The following KIF13A variants were observed in gnomAD, a reference collection of about 807,000 sequenced individuals.
KIF13A encodes the protein kinesin-like protein KIF13A.
A neutral mutation model predicts 212.2 loss-of-function variants in KIF13A; 79 were observed. The observed-to-expected ratio is 0.37, with a 90% confidence interval of 0.31 to 0.45. The LOEUF (loss-of-function observed/expected upper bound fraction) is 0.45. Ranked by LOEUF, KIF13A falls within the 20% of genes least tolerant of loss-of-function variation. The probability of loss-of-function intolerance (pLI) is 1.00; values close to 1 mark genes in which losing one functional copy is unlikely to be tolerated. For synonymous variants in KIF13A, 789 were observed against 808.6 expected (o/e 0.98, Z 0.41); for missense variants, 1,901 against 2,209.0 (o/e 0.86, Z 2.79).
At position 17,975,547 on chromosome 6, in the gene KIF13A, GA is replaced by G. The variant is rs558279322; in HGVS notation, c.146+11506del. ...ACATAATTCATTGCAAAGACCAAAA[GA>G]AAAAAAAGCTTCCAGTACAGAACAA... On this transcript the variant is annotated intron_variant, in intron 2 of 38. Transcript: ENST00000259711. 7.1e-3 allele frequency among the ~76,000 whole-genome samples: 1,065 copies of G among 151,006 alleles called. 16 individuals are homozygous for G. The highest frequency in any genetic ancestry group is 0.025 in the African/African-American group (1,032 of 40,648).
intron 2 of KIF13A, among the ~76,000 whole-genome samples, chr6:17,927,782 T>C (rs742282): frequency 0.72 from 109,486 of 152,100 alleles, 39,968 homozygotes; most frequent in South Asian, 0.83. Flanking sequence ...TCAGAGGCAA[T>C]GGGATGGTGA....
intron 4 of KIF13A, among the ~76,000 whole-genome samples, chr6:17,858,337 G>A (rs12214330): frequency 6.6e-6 from 1 of 151,984 alleles, no homozygotes; most frequent in African/African-American, 2.4e-5. Flanking sequence ...TAAACACCCA[G>A]GTCTGTTGTG....
chr6:17,775,166 A>C (rs1440310186), intron 34 of KIF13A, 104 bp from the exon 35 acceptor site: 1 of 838,124 alleles, frequency 1.2e-6, no homozygotes, highest in African/African-American at 1.7e-5. Flanking sequence ...TGCAGTCTTC[A>C]TTCTTCTCCT....
In KIF13A at chr6:17,785,627, C is replaced by T. The variant is rs780806668; in HGVS notation, c.3376G>A (p.Asp1126Asn). 5.0e-5 allele frequency: 81 copies of T among 1,605,138 alleles called. No homozygotes were observed. Among genetic ancestry groups the T allele is most frequent in the Admixed American group, 5.1e-5 (3 of 58,706 alleles). ...ACAAGCTGGGCTTCCCGCTCCACAT[C>T]GTCCTCTGTTTTCTCTGCAGAAAAA... ...VSNKTEKTEDDVEREAQLVEQ... is the reference protein window; with the variant it reads ...VSNKTEKTEDNVEREAQLVEQ... Residue 1126 changes from aspartate to asparagine, a missense_variant, in exon 28 of 39, where the codon GAT becomes AAT. This residue lies in a region of KIF13A where 168 missense variants were observed against 250.9 expected (regional missense o/e 0.67). Transcript: ENST00000259711. This position sits in a 1 kb window ranked among gnomAD's most constrained non-coding sequence, Gnocchi z 5.8.
intron 2 of KIF13A, among the ~76,000 whole-genome samples, chr6:17,920,332 G>A (rs1774945704): frequency 1.3e-5 from 2 of 152,166 alleles, no homozygotes; most frequent in Non-Finnish European, 2.9e-5. Flanking sequence ...AGGTGGGAAG[G>A]AGAGAGGATA....
chr6:17,861,086 A>G (rs1768725016), intron 4 of KIF13A, among the ~76,000 whole-genome samples: 1 of 152,196 alleles, frequency 6.6e-6, no homozygotes, highest in South Asian at 2.1e-4. Flanking sequence ...TATTTTTGGC[A>G]GATAAAATAG....
In KIF13A at chr6:17,785,267, AG is replaced by A. The variant is rs771254272; in HGVS notation, c.3488+247del. Reference sequence around the variant, plus strand: ...AACAATGTCCAAGTTGCTTATGCAGAGGAACAGAGGAGTGGTATGTGATTCC... The same window carrying A: ...AACAATGTCCAAGTTGCTTATGCAGAGAACAGAGGAGTGGTATGTGATTCC... On this transcript the variant is annotated intron_variant, in intron 28 of 38. Coordinates refer to ENST00000259711, the MANE Select transcript of KIF13A (RefSeq NM_022113.6). The surrounding 1 kb of genome is among the most constrained non-coding windows in gnomAD (Gnocchi z 5.8). Among the ~76,000 whole-genome samples the A allele has an allele frequency of 1.3e-4, 20 of 152,332 alleles. No homozygotes were observed. The highest frequency in any genetic ancestry group is 2.6e-4 in the Non-Finnish European group (18 of 68,032).
chr6:17,974,950 T>C (rs755803357), intron 2 of KIF13A, among the ~76,000 whole-genome samples: 9 of 152,226 alleles, frequency 5.9e-5, no homozygotes, highest in Non-Finnish European at 1.3e-4. Flanking sequence ...CATATTTCCA[T>C]CATCTCAGGA....
At chr6:17,875,296 G>A (rs987103901) in intron 3 of KIF13A, among the ~76,000 whole-genome samples, 4 of 151,822 alleles carry the variant, frequency 2.6e-5, no homozygotes, top group Non-Finnish European at 4.4e-5. Flanking sequence ...CCTGTTGACC[G>A]CATCCACACC....
intron 4 of KIF13A, among the ~76,000 whole-genome samples, chr6:17,869,611 C>T (rs1769811647): frequency 6.9e-6 from 1 of 144,328 alleles, no homozygotes; most frequent in Admixed American, 6.9e-5. Context: ...TTCAACTGCT[C>T]CAACCAACCC....
chr6:17,821,552 G>GTGTGTGTGTGTGTGTGT (rs1554172080), intron 16 of KIF13A, among the ~76,000 whole-genome samples: 44 of 112,094 alleles, frequency 3.9e-4, no homozygotes, highest in African/African-American at 1.2e-3. Flanking sequence ...ATTGGGACAT[G>GTGTGTGTGTGTGTGTGT]GTGTGTGTGT....
In KIF13A at chr6:17,849,476, T is replaced by C. The variant is rs751964181; in HGVS notation, c.731A>G (p.Lys244Arg). 1 of 1,613,220 alleles carries C rather than the reference T, an allele frequency of 6.2e-7. No individual in the cohort carries two copies. The highest frequency in any genetic ancestry group is 1.7e-5 in the Admixed American group (1 of 59,916). ...YDLQSGNSGEKVSKVSLVDLA... is the reference protein window; with the variant it reads ...YDLQSGNSGERVSKVSLVDLA... ...GTCTACCAAGCTGACCTTACTGACT[T>C]TCTCCCCGGAATTCTAGTTATAGGA... Residue 244 changes from lysine (K) to arginine (R), a missense_variant, in exon 9 of 39, where the codon AAA (lysine) becomes AGA (arginine). Lys to Arg is a conservative substitution (Grantham distance 26, BLOSUM62 2). Transcript: ENST00000259711. The surrounding 1 kb of genome is among the most constrained non-coding windows in gnomAD (Gnocchi z 5.7).
chr6:17,828,892 C>T lies in KIF13A; in HGVS notation c.1402-522G>A, dbSNP rs963815379. Among the ~76,000 whole-genome samples the T allele has an allele frequency of 6.6e-6, 1 of 151,764 alleles. No individual in the cohort carries two copies. The highest frequency in any genetic ancestry group is 6.6e-5 in the Admixed American group (1 of 15,226). On this transcript the variant is annotated intron_variant, in intron 13 of 38. Transcript: ENST00000259711. This position sits in a 1 kb window ranked among gnomAD's most constrained non-coding sequence, Gnocchi z 4.3. Reference sequence around the variant, plus strand: ...TGAAAATGCTAAAAATTTTGAATTTCTAATACTGATATTACATACAGTATT... The same window carrying T: ...TGAAAATGCTAAAAATTTTGAATTTTTAATACTGATATTACATACAGTATT...
chr6:17,856,153 TA>T lies in KIF13A; in HGVS notation c.221-32del. On this transcript the variant is annotated intron_variant, in intron 4 of 38. Coordinates refer to ENST00000259711, the MANE Select transcript of KIF13A (RefSeq NM_022113.6). This position sits in a 1 kb window ranked among gnomAD's most constrained non-coding sequence, Gnocchi z 4.5. Reference sequence around the variant, plus strand: ...AAACAAGACAAATATTAAAAACTAATAAAAAGAATAATTTTTCTTGACATAT... The same window carrying T: ...AAACAAGACAAATATTAAAAACTAATAAAAGAATAATTTTTCTTGACATAT... 1 of 1,373,964 alleles carries T rather than the reference TA, an allele frequency of 7.3e-7. No homozygotes were observed. Among genetic ancestry groups the T allele is most frequent in the African/African-American group, 1.5e-5 (1 of 68,426 alleles). The allele number at this position is 1,373,964 out of a possible 1,614,324, so 85.1% of individuals were successfully genotyped here.
Position 17,897,810 on chromosome 6 carries a change from G to C in KIF13A, c.159+358C>G, listed in dbSNP as rs1772698402. The stretch of plus-strand genomic sequence containing the variant: ...TTGTTCCTCCACATTCTAGGCTGTT[G>C]ATACTGTGCAGTCCCAGCTCTTCCA... On this transcript the variant is annotated intron_variant, in intron 3 of 38. Transcript: ENST00000259711. The surrounding 1 kb of genome is among the most constrained non-coding windows in gnomAD (Gnocchi z 4.8). 6.6e-6 allele frequency among the ~76,000 whole-genome samples: 1 copy of C among 152,168 alleles called. No homozygotes were observed. Among genetic ancestry groups the C allele is most frequent in the Admixed American group, 6.5e-5 (1 of 15,280 alleles).
At position 17,951,119 on chromosome 6, in the gene KIF13A, T is replaced by C. The variant is rs2328175; in HGVS notation, c.146+35935A>G. 0.014 allele frequency: 16,995 copies of C among 1,179,928 alleles called. 409 individuals are homozygous for C. Among genetic ancestry groups the C allele is most frequent in the African/African-American group, 0.09 (5,693 of 63,070 alleles). The allele number at this position is 1,179,928 out of a possible 1,614,324, so 73.1% of individuals were successfully genotyped here. ...ACTTTGCCAACCATCCATTTATTCA[T>C]ATGTGGGGTCTGATGCAATTCACCT... On this transcript the variant is annotated intron_variant, in intron 2 of 38. Transcript: ENST00000259711. The surrounding 1 kb of genome is among the most constrained non-coding windows in gnomAD (Gnocchi z 4.9).
chr6:17,975,070 G>T (rs1268779154), intron 2 of KIF13A, among the ~76,000 whole-genome samples: 1 of 152,172 alleles, frequency 6.6e-6, no homozygotes, highest in African/African-American at 2.4e-5. Flanking sequence ...CCAGCTGGGC[G>T]CAGTGGTTCA....
rs1777516105 is a variant in KIF13A, at chr6:17,947,625, T to C, written c.146+39429A>G. ...GGGTGGATCACCTGAGGTCAGGAGT[T>C]TGAGACCAGCCGACCAGCCTGGGCA... On this transcript the variant is annotated intron_variant, in intron 2 of 38. Coordinates refer to ENST00000259711, the MANE Select transcript of KIF13A (RefSeq NM_022113.6). This position sits in a 1 kb window ranked among gnomAD's most constrained non-coding sequence, Gnocchi z 4.6. 6.6e-6 allele frequency among the ~76,000 whole-genome samples: 1 copy of C among 152,042 alleles called. No homozygotes were observed. Among genetic ancestry groups the C allele is most frequent in the South Asian group, 2.1e-4 (1 of 4,822 alleles).
At chr6:17,762,736 C>T (rs1758643949), downstream of KIF13A, among the ~76,000 whole-genome samples, 1 of 152,290 alleles carries the variant, frequency 6.6e-6, no homozygotes, top group Middle Eastern at 3.4e-3. Context: ...GCATGTATTG[C>T]TTGCAAGAAT....
Sources: gnomAD v4.1 joint callset for allele counts (sites outside exome capture counted in the v4.1 genomes callset) on GRCh38, gnomAD v4.1.1 for gene constraint, gnomAD v4.1.1 regional missense constraint, Gnocchi (gnomAD v3.1) non-coding constraint, MANE v1.5 for transcripts, NCBI Gene and HGNC (gene_info 2026-07-23, HGNC 2026-07-21) for gene names.